The following COL21A1 variants were observed in gnomAD, a reference collection of about 807,000 sequenced individuals.
COL21A1 encodes the protein collagen type XXI alpha 1 chain.
Under a neutral mutation model 137.9 loss-of-function variants are expected in COL21A1, and 149 were observed. The ratio of observed to expected loss-of-function variants is 1.08; its 90% CI spans 0.95 to 1.24. The LOEUF (loss-of-function observed/expected upper bound fraction) is 1.24, where lower values mean the gene tolerates loss of function less well. COL21A1 is among the 50% of genes most tolerant of loss of function. The pLI is 0.00. For synonymous variants in COL21A1, 456 were observed against 391.5 expected (o/e 1.16, Z -1.95); for missense variants, 1,167 against 1,158.4 (o/e 1.01, Z -0.11).
chr6:56,124,401 A>T (rs1772832193), intron 14 of COL21A1, 109 bp from the exon 15 acceptor site: 1 of 985,664 alleles, frequency 1.0e-6, no homozygotes. Flanking sequence ...TGTAGTAAAA[A>T]CTCATGGAAC....
Position 56,170,965 on chromosome 6 carries a change from G to A in COL21A1, c.804C>T (p.Leu268=). Residue 268 remains leucine (L), a synonymous_variant, in exon 4 of 30, where the codon CTC becomes CTT. Coordinates refer to ENST00000244728, the MANE Select transcript of COL21A1 (RefSeq NM_030820.4). The part of the protein sequence containing the change: ...EVTSKVDLSE[L]TSNVFPEGLP... The stretch of plus-strand genomic sequence containing the variant: ...TGTCAACATATAATGCATACCTTGT[G>A]AGTTCTGATAAATCAACTTTTGATG... 1 of 1,601,394 alleles carries A rather than the reference G, an allele frequency of 6.2e-7. No individual in the cohort carries two copies. The highest frequency in any genetic ancestry group is 8.5e-7 in the Non-Finnish European group (1 of 1,174,654).
chr6:56,358,938 A>C (rs1002739397), intron 1 of COL21A1, among the ~76,000 whole-genome samples: 1 of 152,172 alleles, frequency 6.6e-6, no homozygotes, highest in Non-Finnish European at 1.5e-5. Flanking sequence ...ATGGTTAAAA[A>C]AAAAATTCCA....
intron 1 of COL21A1, among the ~76,000 whole-genome samples, chr6:56,313,425 A>C (rs1475057151): frequency 6.6e-6 from 1 of 152,076 alleles, no homozygotes; most frequent in Non-Finnish European, 1.5e-5. Context: ...TTATTTTCTC[A>C]TGGTTCTGGA....
intron 1 of COL21A1, among the ~76,000 whole-genome samples, chr6:56,214,632 A>G (rs1030027509): frequency 4.0e-5 from 6 of 151,754 alleles, no homozygotes; most frequent in Non-Finnish European, 7.4e-5. Flanking sequence ...TCTACCCTAA[A>G]CAGTCAAGGC....
At chr6:56,069,572 C>A (rs1766556436) in intron 21 of COL21A1, among the ~76,000 whole-genome samples, 2 of 150,160 alleles carry the variant, frequency 1.3e-5, no homozygotes, top group African/African-American at 4.9e-5. Context: ...AATCTTATAA[C>A]CCAATATTTT....
At chr6:56,124,353 A>G in intron 14 of COL21A1, 61 bp from the exon 15 acceptor site, 1 of 1,463,616 alleles carries the variant, frequency 6.8e-7, no homozygotes, top group Non-Finnish European at 9.4e-7. Flanking sequence ...AGTTCCAACC[A>G]AAACTTAAAT....
In COL21A1 at chr6:56,366,376, G is replaced by A. The variant is rs113163745; in HGVS notation, c.-39+27595C>T. ...CTTTTAGCTTTGACAGCCAAGTACC[G>A]CAGCAGGAAAATCTGACGAGTGTCT... On this transcript the variant is annotated intron_variant, in intron 1 of 28. Coordinates refer to the COL21A1 transcript ENST00000370819. Among the ~76,000 whole-genome samples, 32 of 152,224 alleles carry A rather than the reference G, an allele frequency of 2.1e-4. 1 individual carries two copies. The highest frequency in any genetic ancestry group is 5.1e-4 in the African/African-American group (21 of 41,540).
At chr6:56,272,060 C>A (rs1225504503) in intron 1 of COL21A1, among the ~76,000 whole-genome samples, 1 of 152,172 alleles carries the variant, frequency 6.6e-6, no homozygotes, top group Non-Finnish European at 1.5e-5. Flanking sequence ...CAAGCAGAGT[C>A]CCCACTGGGG....
At chr6:56,286,295 A>G (rs1376196916) in intron 1 of COL21A1, among the ~76,000 whole-genome samples, 2 of 152,224 alleles carry the variant, frequency 1.3e-5, no homozygotes, top group Non-Finnish European at 2.9e-5. Flanking sequence ...ATACACATGT[A>G]CACACACTAA....
At chr6:56,094,418 G>A (rs978408080) in intron 17 of COL21A1, among the ~76,000 whole-genome samples, 1 of 151,340 alleles carries the variant, frequency 6.6e-6, no homozygotes, top group East Asian at 1.9e-4. Context: ...GATGAGAAAG[G>A]CTTTCTCCAC....
intron 17 of COL21A1, among the ~76,000 whole-genome samples, chr6:56,093,943 T>C (rs1008341694): frequency 1.3e-5 from 2 of 152,168 alleles, no homozygotes; most frequent in Non-Finnish European, 2.9e-5. Flanking sequence ...CTGTACCTAA[T>C]CTCTTTTGCA....
At chr6:56,091,208 A>G (rs1768784067) in intron 17 of COL21A1, among the ~76,000 whole-genome samples, 2 of 152,210 alleles carry the variant, frequency 1.3e-5, no homozygotes, top group Non-Finnish European at 2.9e-5. Context: ...GATATGCCAA[A>G]TAATCACGCT....
chr6:56,062,819 A>T (rs2114045206), intron 24 of COL21A1, among the ~76,000 whole-genome samples: 1 of 152,298 alleles, frequency 6.6e-6, no homozygotes, highest in East Asian at 1.9e-4. Flanking sequence ...TAATCCAACA[A>T]CTAGGACCAA....
Position 56,057,681 on chromosome 6 carries a change from C to G in COL21A1, c.2850G>C (p.Pro950=). The G allele has an allele frequency of 6.8e-6, 11 of 1,613,128 alleles. No homozygotes were observed. Among genetic ancestry groups the G allele is most frequent in the Non-Finnish European group, 9.3e-6 (11 of 1,179,528 alleles). The part of the protein sequence containing the change: ...LCFSVIARRD[P]FRKGPNY Reference sequence around the variant, plus strand: ...ACTAATAGTTTGGTCCTTTTCTGAACGGATCTCTTCTGGCAATTACACTAA... The same window carrying G: ...ACTAATAGTTTGGTCCTTTTCTGAAGGGATCTCTTCTGGCAATTACACTAA... The change falls in exon 30 of 30, where the codon CCG becomes CCC. Residue 950 remains proline (P), a synonymous_variant. Coordinates refer to ENST00000244728, the MANE Select transcript of COL21A1 (RefSeq NM_030820.4).
intron 1 of COL21A1, among the ~76,000 whole-genome samples, chr6:56,370,344 T>C (rs1352007228): frequency 6.6e-6 from 1 of 152,134 alleles, no homozygotes; most frequent in Non-Finnish European, 1.5e-5. Context: ...GCACACACCG[T>C]GAGAATTAAT....
chr6:56,187,284 T>C (rs1248450831), intron 1 of COL21A1, among the ~76,000 whole-genome samples: 1 of 152,028 alleles, frequency 6.6e-6, no homozygotes, highest in African/African-American at 2.4e-5. Context: ...AACCCACTAA[T>C]AAACTAACCC....
intron 17 of COL21A1, chr6:56,091,527 T>A (rs1012311602): frequency 6.6e-6 from 1 of 152,614 alleles, no homozygotes; most frequent in African/African-American, 2.4e-5. Flanking sequence ...CGGCATTCTT[T>A]TTCTCCTTTT....
upstream of COL21A1, among the ~76,000 whole-genome samples, chr6:56,251,074 T>C (rs1387769168): frequency 6.6e-6 from 1 of 152,168 alleles, no homozygotes; most frequent in Non-Finnish European, 1.5e-5. Flanking sequence ...CTTACAGTCC[T>C]CTGTCTCACC....
intron 16 of COL21A1, among the ~76,000 whole-genome samples, chr6:56,115,001 T>G (rs2152195639): frequency 6.6e-6 from 1 of 151,800 alleles, no homozygotes; most frequent in Non-Finnish European, 1.5e-5. Flanking sequence ...CCATAAAAAA[T>G]GATGAGTTCA....
Sources: allele counts gnomAD v4.1 joint callset (sites outside exome capture counted in the v4.1 genomes callset), GRCh38; gene constraint gnomAD v4.1.1; transcripts MANE v1.5; gene names NCBI Gene and HGNC (gene_info 2026-07-23, HGNC 2026-07-21).